Variants in TTC5 observed in about 807,000 individuals in gnomAD.
TTC5 encodes the protein tetratricopeptide repeat protein 5.
In TTC5, 46 loss-of-function variants were observed where a neutral mutation model predicts 57.4. The observed-to-expected ratio is 0.80, with a 90% CI of 0.63 to 1.03. TTC5 has a LOEUF of 1.03. Ranked by LOEUF, TTC5 falls within the 50% of genes least tolerant of loss-of-function variation. The probability of loss-of-function intolerance (pLI) is 0.00; values close to 1 mark genes in which losing one functional copy is unlikely to be tolerated. For missense variants in TTC5, 504 were observed against 528.1 expected (o/e 0.95, Z 0.45); for synonymous variants, 190 against 203.5 (o/e 0.93, Z 0.57).
At chr14:20,289,859 C>T in intron 9 of TTC5, 113 bp from the exon 10 acceptor site, 5 of 1,134,520 alleles carry the variant, frequency 4.4e-6, no homozygotes, top group Non-Finnish European at 6.0e-6. Flanking sequence ...TGTATACCCC[C>T]TCTACTTCCA....
intron 1 of TTC5, 35 bp from the exon 2 acceptor site, chr14:20,302,000 A>G: frequency 6.2e-7 from 1 of 1,611,936 alleles, no homozygotes; most frequent in Non-Finnish European, 8.5e-7. Flanking sequence ...TTAAGTGGAA[A>G]GATCACTGGA....
intron 9 of TTC5, among the ~76,000 whole-genome samples, chr14:20,290,914 T>C (rs764050621): frequency 3.4e-4 from 51 of 152,134 alleles, no homozygotes; most frequent in Non-Finnish European, 6.2e-4. Flanking sequence ...CCACAGACAA[T>C]AGTAAGCAAA....
In TTC5 at chr14:20,298,805, C is replaced by A. The variant is rs1416109463; in HGVS notation, c.631G>T (p.Ala211Ser). Residue 211 changes from alanine (A) to serine (S), a missense_variant, in exon 5 of 10, where the codon GCC becomes TCC. Ala to Ser is a moderately conservative substitution (Grantham distance 99). Transcript: ENST00000258821. ...TGACCATAAGTACTTACTGCTTGGG[C>A]ATAGGCACTGAGGGCTTGCTGGGAG... ...KISQQALSAY[A>S]QAEKVDRKAS... The A allele has an allele frequency of 2.5e-6, 4 of 1,612,606 alleles. No individual in the cohort carries two copies. The highest frequency in any genetic ancestry group is 3.4e-6 in the Non-Finnish European group (4 of 1,178,784).
chr14:20,297,511 T>G (rs1882090121), intron 5 of TTC5, among the ~76,000 whole-genome samples: 2 of 152,162 alleles, frequency 1.3e-5, no homozygotes, highest in South Asian at 4.1e-4. Flanking sequence ...TGGCTCACAC[T>G]TGTAATCCCA....
At chr14:20,303,946 T>A (rs1237954168) in intron 1 of TTC5, among the ~76,000 whole-genome samples, 3 of 152,256 alleles carry the variant, frequency 2.0e-5, no homozygotes, top group African/African-American at 7.2e-5. Flanking sequence ...ATCATTTAGA[T>A]CTTAGGTCAA....
intron 5 of TTC5, among the ~76,000 whole-genome samples, chr14:20,297,914 C>T (rs556046276): frequency 6.6e-6 from 1 of 152,072 alleles, no homozygotes; most frequent in East Asian, 1.9e-4. Flanking sequence ...CTAAAAGTTC[C>T]GTGATTGAAA....
chr14:20,305,686 C>T (rs1882276093), intron 1 of TTC5: 1 of 608,576 alleles, frequency 1.6e-6, no homozygotes, highest in East Asian at 2.8e-5. Flanking sequence ...CTGAAATTAA[C>T]CGCAGTCAGG....
At chr14:20,299,944 T>C (rs1882147917) in intron 3 of TTC5, among the ~76,000 whole-genome samples, 1 of 151,732 alleles carries the variant, frequency 6.6e-6, no homozygotes, top group South Asian at 2.1e-4. Context: ...GTTCAAGTGA[T>C]TCTTGTGCCT....
At chr14:20,294,538 A>G (rs1882021759) in intron 8 of TTC5, 1 of 152,222 alleles carries the variant, frequency 6.6e-6, no homozygotes, top group South Asian at 2.1e-4. Context: ...AGCAATAGTG[A>G]GAGATAAGTC....
chr14:20,296,309 C>A (rs1050411855), intron 6 of TTC5, 81 bp downstream of exon 6: 28 of 1,151,844 alleles, frequency 2.4e-5, no homozygotes, highest in Non-Finnish European at 2.1e-5. Flanking sequence ...TGTCCCTATG[C>A]AAACTCAGTT....
intron 1 of TTC5, 97 bp downstream of exon 1, chr14:20,305,790 C>CGT: frequency 8.1e-7 from 1 of 1,230,326 alleles, no homozygotes; most frequent in South Asian, 1.2e-5. Context: ...CGCAGCTTCG[C>CGT]GTGTGTGCCG....
At chr14:20,299,901 C>A (rs964611251) in intron 3 of TTC5, among the ~76,000 whole-genome samples, 2 of 151,684 alleles carry the variant, frequency 1.3e-5, no homozygotes, top group Non-Finnish European at 2.9e-5. Context: ...TGCAGAGGCA[C>A]GATCTCAGCT....
intron 2 of TTC5, 38 bp downstream of exon 2, chr14:20,301,795 C>T: frequency 6.2e-7 from 1 of 1,612,062 alleles, no homozygotes; most frequent in Non-Finnish European, 8.5e-7. Context: ...TCACATTTCA[C>T]TGAAGGATGG....
chr14:20,301,888 T>C lies in TTC5; in HGVS notation c.129A>G (p.Gln43=), dbSNP rs761711286. 4.3e-6 allele frequency: 7 copies of C among 1,614,024 alleles called. No individual in the cohort carries two copies. In the Admixed American group the frequency reaches 8.3e-5, roughly 19 times the overall value. ...TCTCCATCTCCTTCTGCACATCCTG[T>C]TGCTTCCTCCCAGCATCCTCAACAC... The part of the protein sequence containing the change: ...THSVEDAGRK[Q]QDVQKEMEKT... Residue 43 remains glutamine, a synonymous_variant, in exon 2 of 10, where the codon CAA becomes CAG. Coordinates refer to ENST00000258821, the MANE Select transcript of TTC5 (RefSeq NM_138376.3).
chr14:20,301,748 G>T lies in TTC5; in HGVS notation c.184+85C>A, dbSNP rs377080499. The T allele has an allele frequency of 5.1e-6, 8 of 1,554,172 alleles. No individual in the cohort carries two copies. In the African/African-American group the frequency reaches 5.4e-5, roughly 11 times the overall value. On this transcript the variant is annotated intron_variant, in intron 2 of 9. Coordinates refer to ENST00000258821, the MANE Select transcript of TTC5 (RefSeq NM_138376.3). Reference sequence around the variant, plus strand: ...ACTACCCTATAGCAGTAACAGATAGGATACCAAAGAGTCAATGAGGAGGGA... The same window carrying T: ...ACTACCCTATAGCAGTAACAGATAGTATACCAAAGAGTCAATGAGGAGGGA...
chr14:20,291,257 T>C (rs1259479895), intron 9 of TTC5, among the ~76,000 whole-genome samples: 1 of 152,132 alleles, frequency 6.6e-6, no homozygotes, highest in Non-Finnish European at 1.5e-5. Flanking sequence ...GGGGTCTCAC[T>C]ATATAGCCCA....
At position 20,301,926 on chromosome 14, in the gene TTC5, A is replaced by G. The variant is rs749356146; in HGVS notation, c.91T>C (p.Phe31Leu). 5 of 1,614,122 alleles carry G rather than the reference A, an allele frequency of 3.1e-6. No homozygotes were observed. The highest frequency in any genetic ancestry group is 4.2e-6 in the Non-Finnish European group (5 of 1,180,018). The change falls in exon 2 of 10, where the codon TTC (phenylalanine) becomes CTC (leucine). Residue 31 changes from phenylalanine (F) to leucine (L), a missense_variant. By Grantham distance (22) the Phe-to-Leu change is conservative. Transcript: ENST00000258821. ...DQLYSFRDCY[F>L]ETHSVEDAGR... ...GCATCCTCAACACTATGTGTCTCGA[A>G]ATAGCAGTCTCGAAATGAGTAGAGC... is the stretch of plus-strand genomic sequence containing the variant.
intron 1 of TTC5, among the ~76,000 whole-genome samples, chr14:20,304,089 T>G (rs1480049290): frequency 4.6e-5 from 7 of 152,254 alleles, no homozygotes; most frequent in Non-Finnish European, 1.0e-4. Flanking sequence ...ATTAATTGTC[T>G]ATTGTCTGCC....
chr14:20,300,866 C>A, intron 2 of TTC5, 48 bp from the exon 3 acceptor site: 2 of 1,454,250 alleles, frequency 1.4e-6, no homozygotes, highest in Non-Finnish European at 1.9e-6. Context: ...AAGTTAAAGA[C>A]CAGGGCACTT....
Sources: allele counts gnomAD v4.1 joint callset (sites outside exome capture counted in the v4.1 genomes callset), GRCh38; gene constraint gnomAD v4.1.1; transcripts MANE v1.5; gene names NCBI Gene and HGNC (gene_info 2026-07-23, HGNC 2026-07-21).